RYR2: variants seen among roughly 807,000 people sequenced by gnomAD.
RYR2 encodes cardiac muscle ryanodine receptor-calcium release channel.
A neutral mutation model predicts 601.1 loss-of-function variants in RYR2; 227 were observed. The observed-to-expected ratio is 0.38, with a 90% CI of 0.34 to 0.42. RYR2 has a LOEUF of 0.42. Ranked by LOEUF, RYR2 falls within the 10% of genes least tolerant of loss-of-function variation. The probability of loss-of-function intolerance (pLI) is 1.00; values close to 1 mark genes in which losing one functional copy is unlikely to be tolerated. For synonymous variants in RYR2, 2,223 were observed against 2,175.1 expected, an observed-to-expected ratio of 1.02 and a Z score of -0.61; for missense variants, 4,646 against 6,156.5, an observed-to-expected ratio of 0.75 and a Z score of 8.21.
chr1:237,806,635 C>T (rs1015262457), intron 99 of RYR2, among the ~76,000 whole-genome samples: 11 of 152,158 alleles, frequency 7.2e-5, no homozygotes, highest in African/African-American at 2.7e-4. Flanking sequence ...AGTATTTGCT[C>T]CACTTGCTAT....
At position 237,746,438 on chromosome 1, in the gene RYR2, A is replaced by G. The variant is rs112207374; in HGVS notation, c.11145+4089A>G. The stretch of plus-strand genomic sequence containing the variant: ...CGAAGTAGGTAAAAAGAAAAGTGCT[A>G]TTATAGGGAAATTTTCCATGAAGAA... On this transcript the variant is annotated intron_variant, in intron 80 of 104. Coordinates refer to ENST00000366574, the MANE Select transcript of RYR2 (RefSeq NM_001035.3). 9.1e-3 allele frequency among the ~76,000 whole-genome samples: 1,389 copies of G among 152,278 alleles called. 18 individuals carry two copies. The highest frequency in any genetic ancestry group is 0.031 in the African/African-American group (1,302 of 41,574).
At chr1:237,182,204 C>T (rs745854405) in intron 1 of RYR2, among the ~76,000 whole-genome samples, 4 of 152,060 alleles carry the variant, frequency 2.6e-5, no homozygotes, top group Non-Finnish European at 5.9e-5. Context: ...TCACTGCAGA[C>T]TCCGCCTCCC....
chr1:237,505,480 C>A (rs75980426), intron 22 of RYR2, among the ~76,000 whole-genome samples: 155 of 152,236 alleles, frequency 1.0e-3, no homozygotes, highest in African/African-American at 3.7e-3. Flanking sequence ...TTTCTTGTTC[C>A]CCCTTTTTAT....
intron 10 of RYR2, among the ~76,000 whole-genome samples, chr1:237,399,440 T>C (rs1394045252): frequency 6.6e-6 from 1 of 152,102 alleles, no homozygotes; most frequent in African/African-American, 2.4e-5. Context: ...GAAGGAACTT[T>C]GTGGCGTAGG....
chr1:237,343,526 A>C (rs1698016899), intron 3 of RYR2, among the ~76,000 whole-genome samples: 1 of 152,278 alleles, frequency 6.6e-6, no homozygotes, highest in Admixed American at 6.5e-5. Context: ...ACACTCAATA[A>C]GTGATTTTTT....
intron 73 of RYR2, among the ~76,000 whole-genome samples, chr1:237,721,643 C>T (rs934458161): frequency 2.0e-4 from 31 of 152,126 alleles, no homozygotes; most frequent in Middle Eastern, 3.4e-3. Flanking sequence ...CTCAGCCTCC[C>T]GAGTAGCTGT....
At chr1:237,474,993 T>C (rs1039912527) in intron 17 of RYR2, among the ~76,000 whole-genome samples, 3 of 152,242 alleles carry the variant, frequency 2.0e-5, no homozygotes, top group African/African-American at 7.2e-5. Flanking sequence ...CAGGCAACTT[T>C]GTAAGAATCT....
chr1:237,288,450 G>T (rs537628304), intron 2 of RYR2, among the ~76,000 whole-genome samples: 1 of 151,788 alleles, frequency 6.6e-6, no homozygotes, highest in East Asian at 2.0e-4. Flanking sequence ...GGCTAGGCAC[G>T]TTTGAGCTCA....
intron 25 of RYR2, among the ~76,000 whole-genome samples, chr1:237,536,511 G>C (rs981097794): frequency 2.6e-5 from 4 of 151,910 alleles, no homozygotes; most frequent in Non-Finnish European, 4.4e-5. Flanking sequence ...TCAGGAGATC[G>C]AGACCATCCT....
At chr1:237,391,363 G>C (rs1558739236) in intron 10 of RYR2, among the ~76,000 whole-genome samples, 1 of 152,142 alleles carries the variant, frequency 6.6e-6, no homozygotes, top group African/African-American at 2.4e-5. Context: ...ATGAAAGCTA[G>C]AGAAGGTCCT....
intron 80 of RYR2, among the ~76,000 whole-genome samples, chr1:237,751,522 A>G (rs1261360511): frequency 6.6e-6 from 1 of 152,232 alleles, no homozygotes; most frequent in Non-Finnish European, 1.5e-5. Flanking sequence ...GCTTTTGCAT[A>G]GTTTTAAATT....
rs1252175245 is a variant in RYR2, at chr1:237,718,530, A to G, written c.10554+9A>G. On this transcript the variant is annotated intron_variant, in intron 73 of 104. Transcript: ENST00000366574. The stretch of plus-strand genomic sequence containing the variant: ...TTCATTTACAAGGCAAGGTAAGCCA[A>G]ATTTTATTCTTAAGCCACATTTACT... 2.6e-6 allele frequency: 4 copies of G among 1,545,470 alleles called. No homozygotes were observed. Among genetic ancestry groups the G allele is most frequent in the Non-Finnish European group, 3.6e-6 (4 of 1,118,930 alleles).
At chr1:237,275,489 G>A (rs569836426) in intron 2 of RYR2, among the ~76,000 whole-genome samples, 21 of 147,792 alleles carry the variant, frequency 1.4e-4, no homozygotes, top group Admixed American at 1.3e-3. Flanking sequence ...AGACAAAGAA[G>A]GATTTTTTTT....
At chr1:237,265,314 A>AT (rs940752168) in intron 1 of RYR2, among the ~76,000 whole-genome samples, 2 of 151,892 alleles carry the variant, frequency 1.3e-5, no homozygotes, top group African/African-American at 4.8e-5. Flanking sequence ...AGGCTGAAGG[A>AT]TTTTTTTGAT....
intron 42 of RYR2, among the ~76,000 whole-genome samples, chr1:237,633,311 C>A (rs1255601975): frequency 1.3e-5 from 2 of 152,168 alleles, no homozygotes; most frequent in East Asian, 3.9e-4. Context: ...ATGAATCTGC[C>A]TTTCACCTTT....
At chr1:237,561,952 A>T (rs1164480619) in intron 27 of RYR2, among the ~76,000 whole-genome samples, 1 of 152,232 alleles carries the variant, frequency 6.6e-6, no homozygotes, top group African/African-American at 2.4e-5. Context: ...CAGTCTGATT[A>T]TCACTAAGAG....
At chr1:237,313,390 T>C (rs1290588580) in intron 2 of RYR2, among the ~76,000 whole-genome samples, 1 of 152,086 alleles carries the variant, frequency 6.6e-6, no homozygotes, top group Non-Finnish European at 1.5e-5. Context: ...ACAAGTGTGC[T>C]TATAAGGGGG....
intron 17 of RYR2, among the ~76,000 whole-genome samples, chr1:237,474,986 G>A (rs1572494855): frequency 1.3e-5 from 2 of 152,188 alleles, no homozygotes; most frequent in African/African-American, 4.8e-5. Context: ...TTACAGCCAG[G>A]CAACTTTGTA....
Position 237,651,599 on chromosome 1 carries a change from G to A in RYR2, c.7824+98G>A. On this transcript the variant is annotated intron_variant, in intron 51 of 104. Transcript: ENST00000366574. ...ATTTCTTAGATACATCATGCTTGAC[G>A]CTGGGAAATTTCTCCCAATTATTGA... is the stretch of plus-strand genomic sequence containing the variant. The A allele has an allele frequency of 1.2e-5, 9 of 744,640 alleles. No individual in the cohort carries two copies. In the South Asian group the frequency reaches 1.4e-4, roughly 12 times the overall value. The allele number at this position is 744,640 out of a possible 1,614,324, so 46.1% of individuals were successfully genotyped here. A position where few individuals can be genotyped will look rare whatever the true frequency, so the allele number is the denominator to read the frequency against.
Sources: gnomAD v4.1 joint callset for allele counts (sites outside exome capture counted in the v4.1 genomes callset) on GRCh38, gnomAD v4.1.1 for gene constraint, MANE v1.5 for transcripts, NCBI Gene and HGNC (gene_info 2026-07-23, HGNC 2026-07-21) for gene names.